The following THSD4 variants were observed in gnomAD, a reference collection of about 807,000 sequenced individuals.
THSD4 encodes the protein thrombospondin type 1 domain containing 4, also known as thrombospondin type-1 domain-containing protein 4.
A neutral mutation model predicts 119.0 loss-of-function variants in THSD4; 69 were observed. The ratio of observed to expected loss-of-function variants is 0.58; its 90% CI spans 0.48 to 0.71. The LOEUF (loss-of-function observed/expected upper bound fraction) is 0.71. THSD4 is among the 30% of genes least tolerant of loss of function. The pLI is 0.00. For synonymous variants in THSD4, 524 were observed against 540.4 expected, an observed-to-expected ratio of 0.97 and a Z score of 0.42; for missense variants, 1,393 against 1,391.1, an observed-to-expected ratio of 1.00 and a Z score of -0.02.
At chr15:71,714,766 T>C (rs765276265) in intron 8 of THSD4, among the ~76,000 whole-genome samples, 20 of 152,062 alleles carry the variant, frequency 1.3e-4, no homozygotes, top group African/African-American at 1.9e-4. Context: ...GAATCGCTTG[T>C]GGAGGTTGCA....
chr15:71,110,641 G>A (rs1303426812), upstream of THSD4: 1 of 156,856 alleles, frequency 6.4e-6, no homozygotes, highest in Admixed American at 6.0e-5. Flanking sequence ...CGGGCTCCAG[G>A]GCCTGCTCTA....
intron 6 of THSD4, among the ~76,000 whole-genome samples, chr15:71,299,721 C>A (rs1184604612): frequency 1.3e-5 from 2 of 152,046 alleles, no homozygotes; most frequent in African/African-American, 4.8e-5. Context: ...TGATAAGTAT[C>A]TTAGGTGATG....
intron 8 of THSD4, among the ~76,000 whole-genome samples, chr15:71,716,708 G>A (rs139486687): frequency 5.1e-4 from 77 of 152,006 alleles, no homozygotes; most frequent in African/African-American, 1.6e-3. Flanking sequence ...ACACCTGACC[G>A]CACACTATCA....
intron 8 of THSD4, among the ~76,000 whole-genome samples, chr15:71,664,751 G>A (rs1035281434): frequency 6.6e-6 from 1 of 152,094 alleles, no homozygotes; most frequent in East Asian, 1.9e-4. Flanking sequence ...GTGGTATTTG[G>A]TTTTCTGTTC....
At chr15:71,596,122 G>A (rs909490084) in intron 7 of THSD4, among the ~76,000 whole-genome samples, 3 of 152,136 alleles carry the variant, frequency 2.0e-5, no homozygotes, top group South Asian at 2.1e-4. Context: ...TTTATCTTGT[G>A]AGTATTTGTT....
chr15:71,135,136 A>G (rs1008386686), intron 1 of THSD4, among the ~76,000 whole-genome samples: 6 of 139,332 alleles, frequency 4.3e-5, no homozygotes, highest in Admixed American at 1.5e-4. Context: ...CAAACACCGC[A>G]TATTCTCACT....
intron 3 of THSD4, among the ~76,000 whole-genome samples, chr15:71,183,560 T>A (rs2141427155): frequency 6.6e-6 from 1 of 151,770 alleles, no homozygotes; most frequent in African/African-American, 2.4e-5. Context: ...GGGTTTAGAA[T>A]GTTGTCTGAC....
intron 6 of THSD4, among the ~76,000 whole-genome samples, chr15:71,278,313 A>T (rs1424564509): frequency 1.3e-5 from 2 of 152,118 alleles, no homozygotes; most frequent in Non-Finnish European, 2.9e-5. Context: ...CTCACACCTC[A>T]GCCTCCCAAG....
At chr15:71,367,678 T>G (rs552321224) in intron 6 of THSD4, among the ~76,000 whole-genome samples, 9 of 152,240 alleles carry the variant, frequency 5.9e-5, no homozygotes, top group Non-Finnish European at 1.2e-4. Flanking sequence ...TAATCCAGTC[T>G]ATCATTGATG....
rs143061710 is a variant in THSD4 at position 71,672,687 on chromosome 15, T to G, written c.1357+11953T>G. Among the ~76,000 whole-genome samples the G allele has an allele frequency of 1.7e-3, 262 of 152,348 alleles. 6 individuals are homozygous for G. The East Asian group carries it at 0.036, about 21-fold the overall frequency. ...ATCAGTACCTAGTTTATTGAGAGTT[T>G]TTAGCATGAAGTGCTGTTGAATTTT... On this transcript the variant is annotated intron_variant, in intron 8 of 17. Transcript: ENST00000261862.
intron 6 of THSD4, among the ~76,000 whole-genome samples, chr15:71,401,232 T>TA (rs890709451): frequency 1.6e-4 from 25 of 152,344 alleles, no homozygotes; most frequent in African/African-American, 6.0e-4. Flanking sequence ...TTCTTCCACT[T>TA]AAGCAAAATT....
At chr15:71,346,870 T>A (rs1053644783) in intron 6 of THSD4, among the ~76,000 whole-genome samples, 5 of 33,890 alleles carry the variant, frequency 1.5e-4, no homozygotes, top group African/African-American at 5.5e-4. Context: ...TTCATTTTCT[T>A]TTTTTTTTTT....
intron 8 of THSD4, among the ~76,000 whole-genome samples, chr15:71,727,116 G>A (rs1047676815): frequency 2.6e-5 from 4 of 151,854 alleles, no homozygotes; most frequent in South Asian, 2.1e-4. Flanking sequence ...GTACACACTA[G>A]AAATCACAGG....
chr15:71,353,102 A>G (rs1596359802), intron 6 of THSD4, among the ~76,000 whole-genome samples: 1 of 152,218 alleles, frequency 6.6e-6, no homozygotes, highest in Non-Finnish European at 1.5e-5. Flanking sequence ...CACTCTATAC[A>G]TGAGGCTTCA....
intron 7 of THSD4, among the ~76,000 whole-genome samples, chr15:71,508,317 A>G (rs2048224262): frequency 6.6e-6 from 1 of 152,232 alleles, no homozygotes; most frequent in African/African-American, 2.4e-5. Flanking sequence ...AAGGGAATTC[A>G]TCTTCTCCCT....
Position 71,777,540 on chromosome 15 carries a change from CT to C in THSD4, c.*171del, listed in dbSNP as rs2053937534. 5 of 884,128 alleles carry C rather than the reference CT, an allele frequency of 5.7e-6. No homozygotes were observed. Among genetic ancestry groups the C allele is most frequent in the Non-Finnish European group, 6.7e-6 (4 of 594,826 alleles). 54.8% of individuals were successfully genotyped at this position (884,128 alleles called of 1,614,324 possible). ...GAATGCACCCCGTGGTACCCAGGGGCTTTTTACACAAGATGTTTGAAAGCCA... is the reference window on the plus strand; with the variant it reads ...GAATGCACCCCGTGGTACCCAGGGGCTTTTACACAAGATGTTTGAAAGCCA... On this transcript the variant is annotated 3_prime_UTR_variant, in exon 18 of 18. Transcript: ENST00000261862.
rs73439621 is a variant in THSD4 at position 71,385,339 on chromosome 15, T to C, written c.1016-26348T>C. Among the ~76,000 whole-genome samples, 318 of 152,250 alleles carry C rather than the reference T, an allele frequency of 2.1e-3. 1 individual carries two copies. Among genetic ancestry groups the C allele is most frequent in the African/African-American group, 5.1e-3 (211 of 41,558 alleles). ...GGTTGCCTGGTGTTCCTGGGGGTCA[T>C]TGGAGTCTGACTTTGAGTCCCACTT... On this transcript the variant is annotated intron_variant, in intron 6 of 17. Coordinates refer to ENST00000261862, the MANE Select transcript of THSD4 (RefSeq NM_024817.3).
chr15:71,199,131 C>T (rs1294169869), intron 3 of THSD4, among the ~76,000 whole-genome samples: 2 of 152,176 alleles, frequency 1.3e-5, no homozygotes, highest in Non-Finnish European at 2.9e-5. Flanking sequence ...TAGAGGCAGA[C>T]TCAGGGATAC....
At position 71,485,552 on chromosome 15, in the gene THSD4, AT is replaced by A. The variant is rs570225895; in HGVS notation, c.1152+73732del. 3.6e-4 allele frequency among the ~76,000 whole-genome samples: 55 copies of A among 152,302 alleles called. 1 individual carries two copies. The South Asian group carries it at 0.011, about 31-fold the overall frequency. The stretch of plus-strand genomic sequence containing the variant: ...CTGAGCTAACCATTGCCTCCAGAGC[AT>A]TTGATGTTACCAGCCTTGCTGGGCA... On this transcript the variant is annotated intron_variant, in intron 7 of 17. Coordinates refer to ENST00000261862, the MANE Select transcript of THSD4 (RefSeq NM_024817.3).
Sources: gnomAD v4.1 joint callset for allele counts (sites outside exome capture counted in the v4.1 genomes callset) on GRCh38, gnomAD v4.1.1 for gene constraint, MANE v1.5 for transcripts, NCBI Gene and HGNC (gene_info 2026-07-23, HGNC 2026-07-21) for gene names.